LRRFIP2: variants seen among roughly 807,000 people sequenced by gnomAD.
LRRFIP2 encodes the protein leucine-rich repeat flightless-interacting protein 2.
A neutral mutation model predicts 125.9 loss-of-function variants in LRRFIP2; 109 were observed. The ratio of observed to expected loss-of-function variants is 0.87; its 90% CI spans 0.74 to 1.01. The LOEUF (loss-of-function observed/expected upper bound fraction) is 1.01, where lower values mean the gene tolerates loss of function less well. LRRFIP2 is among the 50% of genes least tolerant of loss of function. The pLI is 0.00. For missense variants in LRRFIP2, 850 were observed against 862.3 expected (o/e 0.99, Z 0.18); for synonymous variants, 291 against 293.1 (o/e 0.99, Z 0.07).
chr3:37,129,578 A>G (rs2095373524), intron 2 of LRRFIP2, among the ~76,000 whole-genome samples: 1 of 152,192 alleles, frequency 6.6e-6, no homozygotes, highest in African/African-American at 2.4e-5. Flanking sequence ...TATCAAACCC[A>G]TCTCAGCTTT....
Position 37,110,984 on chromosome 3 carries a change from G to C in LRRFIP2, c.513+7C>G. 1 of 1,612,428 alleles carries C rather than the reference G, an allele frequency of 6.2e-7. No homozygotes were observed. Among genetic ancestry groups the C allele is most frequent in the Non-Finnish European group, 8.5e-7 (1 of 1,179,308 alleles). On this transcript the variant is annotated splice_region_variant and intron_variant, in intron 9 of 27. Coordinates refer to ENST00000336686, the MANE Select transcript of LRRFIP2 (RefSeq NM_006309.4). ...AAACACATAAAGCCAAAAAAGTTTA[G>C]ACAAACCCGAGTGTAGTAGGCAGAG... is the stretch of plus-strand genomic sequence containing the variant.
chr3:37,107,074 G>A (rs1019566290), intron 13 of LRRFIP2, among the ~76,000 whole-genome samples: 1 of 151,798 alleles, frequency 6.6e-6, no homozygotes, highest in Non-Finnish European at 1.5e-5. Context: ...CAGGCTAATT[G>A]TGTATTTTTA....
At chr3:37,065,763 C>G (rs377374927) in intron 23 of LRRFIP2, 47 bp downstream of exon 23, 1 of 1,613,408 alleles carries the variant, frequency 6.2e-7, no homozygotes, top group Non-Finnish European at 8.5e-7. Context: ...GCAGAAAACC[C>G]AATAGGGTAA....
At chr3:37,134,043 A>G (rs2095494760) in intron 2 of LRRFIP2, among the ~76,000 whole-genome samples, 1 of 152,052 alleles carries the variant, frequency 6.6e-6, no homozygotes, top group African/African-American at 2.4e-5. Context: ...TTAGCCAGGC[A>G]TGGTAGCGCT....
chr3:37,162,538 G>A (rs1701890039), intron 1 of LRRFIP2, among the ~76,000 whole-genome samples: 1 of 152,044 alleles, frequency 6.6e-6, no homozygotes, highest in Admixed American at 6.6e-5. Flanking sequence ...ATTATTAAAG[G>A]CATTTTCAGA....
intron 2 of LRRFIP2, among the ~76,000 whole-genome samples, chr3:37,145,668 A>G (rs2095839839): frequency 6.6e-6 from 1 of 152,224 alleles, no homozygotes; most frequent in Non-Finnish European, 1.5e-5. Flanking sequence ...TACTTAGCTC[A>G]AGACTTTTGT....
At chr3:37,100,438 ATG>A (rs1491249976) in intron 15 of LRRFIP2, among the ~76,000 whole-genome samples, 9 of 63,480 alleles carry the variant, frequency 1.4e-4, no homozygotes, top group Admixed American at 5.2e-4. Context: ...ATGTATACAC[ATG>A]TGTGTGTCTG....
chr3:37,101,668 G>GAAAAAAA (rs56878231), intron 15 of LRRFIP2, among the ~76,000 whole-genome samples: 3 of 128,282 alleles, frequency 2.3e-5, no homozygotes, highest in Non-Finnish European at 1.6e-5. Flanking sequence ...CTGTCACCAA[G>GAAAAAAA]AAAAAAAAAA....
chr3:37,088,640 C>T (rs928738781), intron 18 of LRRFIP2, among the ~76,000 whole-genome samples: 1 of 149,508 alleles, frequency 6.7e-6, no homozygotes, highest in Non-Finnish European at 1.5e-5. Flanking sequence ...AGCAAGACTC[C>T]GTATCTATAA....
chr3:37,106,586 T>C (rs753633761), intron 13 of LRRFIP2, among the ~76,000 whole-genome samples: 1 of 152,184 alleles, frequency 6.6e-6, no homozygotes, highest in Non-Finnish European at 1.5e-5. Flanking sequence ...GGCAGGAGGA[T>C]TACTTGAGCC....
chr3:37,055,015 C>T (rs1575685452), intron 26 of LRRFIP2, 71 bp downstream of exon 26: 1 of 975,914 alleles, frequency 1.0e-6, no homozygotes, highest in Non-Finnish European at 1.6e-6. Context: ...AACCCAGGCA[C>T]TCATGGGTTG....
At chr3:37,062,566 A>G (rs1219942930) in intron 24 of LRRFIP2, among the ~76,000 whole-genome samples, 4 of 152,260 alleles carry the variant, frequency 2.6e-5, no homozygotes, top group African/African-American at 9.6e-5. Flanking sequence ...AGAATAGGAT[A>G]CAAGCTTCCA....
intron 1 of LRRFIP2, among the ~76,000 whole-genome samples, chr3:37,158,395 T>A (rs2096254092): frequency 6.6e-6 from 1 of 151,656 alleles, no homozygotes; most frequent in African/African-American, 2.4e-5. Context: ...TCGCTTGAGG[T>A]CAGGAGTTTG....
intron 18 of LRRFIP2, among the ~76,000 whole-genome samples, chr3:37,091,124 C>T (rs1273527775): frequency 6.6e-6 from 1 of 151,852 alleles, no homozygotes; most frequent in African/African-American, 2.4e-5. Flanking sequence ...GCCTGTAATC[C>T]CAGCACTTTG....
At chr3:37,067,946 G>A (rs1235558373) in intron 21 of LRRFIP2, 2 of 152,154 alleles carry the variant, frequency 1.3e-5, no homozygotes, top group Non-Finnish European at 2.9e-5. Flanking sequence ...TAGCCCAGAT[G>A]ATGCTAGGAA....
chr3:37,091,544 G>A lies in LRRFIP2; in HGVS notation c.1036-6C>T, dbSNP rs374320726. 1.1e-5 allele frequency: 18 copies of A among 1,600,428 alleles called. No individual in the cohort carries two copies. Among genetic ancestry groups the A allele is most frequent in the Non-Finnish European group, 1.4e-5 (17 of 1,172,520 alleles). Reference sequence around the variant, plus strand: ...TCCTTAAGGTCATAGATATCCTGCAGGACATAGGAATGAACCATTGCATAA... The same window carrying A: ...TCCTTAAGGTCATAGATATCCTGCAAGACATAGGAATGAACCATTGCATAA... On this transcript the variant is annotated splice_region_variant and splice_polypyrimidine_tract_variant and intron_variant, in intron 17 of 27. Transcript: ENST00000336686.
chr3:37,078,615 C>CA (rs1009534091), intron 19 of LRRFIP2, among the ~76,000 whole-genome samples: 7 of 150,980 alleles, frequency 4.6e-5, no homozygotes, highest in African/African-American at 1.5e-4. Context: ...TTGTTAAAAA[C>CA]AAAAAAAAAC....
chr3:37,074,702 A>T (rs561659936), intron 20 of LRRFIP2, among the ~76,000 whole-genome samples: 1 of 152,336 alleles, frequency 6.6e-6, no homozygotes, highest in South Asian at 2.1e-4. Context: ...ATGTCCCAAA[A>T]GATGGCATTC....
chr3:37,056,458 C>CTT (rs202119305), intron 25 of LRRFIP2, among the ~76,000 whole-genome samples: 4 of 145,144 alleles, frequency 2.8e-5, no homozygotes, highest in African/African-American at 5.0e-5. Flanking sequence ...AGAGGTTTTT[C>CTT]TTTTTTTTTT....
Sources: allele counts gnomAD v4.1 joint callset (sites outside exome capture counted in the v4.1 genomes callset), GRCh38; gene constraint gnomAD v4.1.1; transcripts MANE v1.5; gene names NCBI Gene and HGNC (gene_info 2026-07-23, HGNC 2026-07-21).